The following PTPN5 variants were observed in gnomAD, a reference collection of about 807,000 sequenced individuals.
PTPN5 encodes protein tyrosine phosphatase non-receptor type 5, also known as tyrosine-protein phosphatase non-receptor type 5.
A neutral mutation model predicts 73.9 loss-of-function variants in PTPN5; 29 were observed. The ratio of observed to expected loss-of-function variants is 0.39; its 90% CI spans 0.29 to 0.54. The LOEUF (loss-of-function observed/expected upper bound fraction) is 0.54. PTPN5 is among the 20% of genes least tolerant of loss of function. The pLI is 0.65. For missense variants in PTPN5, 652 were observed against 751.4 expected, an observed-to-expected ratio of 0.87 and a Z score of 1.55; for synonymous variants, 267 against 304.7, an observed-to-expected ratio of 0.88 and a Z score of 1.29.
At chr11:18,739,517 G>A (rs563639717) in intron 8 of PTPN5, among the ~76,000 whole-genome samples, 1 of 152,310 alleles carries the variant, frequency 6.6e-6, no homozygotes, top group South Asian at 2.1e-4. Flanking sequence ...GGGGCCACAC[G>A]AGGTAAGGGG....
chr11:18,763,343 C>T (rs577267246), intron 3 of PTPN5, among the ~76,000 whole-genome samples: 23 of 152,344 alleles, frequency 1.5e-4, no homozygotes, highest in African/African-American at 2.9e-4. Flanking sequence ...AACAAGGTAG[C>T]GGTGACGACA....
At chr11:18,761,478 C>A (rs1303263248) in intron 3 of PTPN5, among the ~76,000 whole-genome samples, 2 of 151,856 alleles carry the variant, frequency 1.3e-5, no homozygotes, top group African/African-American at 4.8e-5. Flanking sequence ...TGACTGTGAG[C>A]AAATGAAGTG....
chr11:18,731,924 G>A (rs961673946), intron 12 of PTPN5, among the ~76,000 whole-genome samples: 1 of 152,078 alleles, frequency 6.6e-6, no homozygotes, highest in African/African-American at 2.4e-5. Flanking sequence ...CCTAAACATG[G>A]GTCTTATTTC....
intron 1 of PTPN5, among the ~76,000 whole-genome samples, chr11:18,780,952 T>C (rs1851392080): frequency 6.6e-6 from 1 of 152,164 alleles, no homozygotes; most frequent in Non-Finnish European, 1.5e-5. Flanking sequence ...GAAGGGCTGC[T>C]GCATGACACT....
At chr11:18,765,658 C>G in intron 3 of PTPN5, 149 bp downstream of exon 3, 1 of 658,668 alleles carries the variant, frequency 1.5e-6, no homozygotes, top group Non-Finnish European at 2.8e-6. Flanking sequence ...AAAACAAGTC[C>G]CCATTTAAAC....
intron 2 of PTPN5, among the ~76,000 whole-genome samples, chr11:18,767,002 C>A (rs1037934201): frequency 6.6e-6 from 1 of 152,176 alleles, no homozygotes; most frequent in Non-Finnish European, 1.5e-5. Context: ...GAGTCTTGGA[C>A]AATATGCCCT....
At position 18,740,789 on chromosome 11, in the gene PTPN5, C is replaced by A; in HGVS notation, c.729G>T (p.Arg243Ser). 1 of 1,527,814 alleles carries A rather than the reference C, an allele frequency of 6.5e-7. No homozygotes were observed. The highest frequency in any genetic ancestry group is 8.8e-7 in the Non-Finnish European group (1 of 1,131,210). 94.6% of individuals were successfully genotyped at this position (1,527,814 alleles called of 1,614,324 possible). Residue 243 changes from arginine to serine, a missense_variant, in exon 8 of 15, where the codon AGG becomes AGT. Arg to Ser is a moderately radical substitution (Grantham distance 110). Coordinates refer to ENST00000358540, the MANE Select transcript of PTPN5 (RefSeq NM_006906.2). ...CCAGGGTCAGGGAGACATTGGAACC[C>A]CTCCTGGAAGGACCAGGAAAGGGAG... Reference protein sequence around the residue: ...TVKSMGLQERRGSNVSLTLDM... With the variant: ...TVKSMGLQERSGSNVSLTLDM...
chr11:18,774,393 T>C (rs1328554916), intron 1 of PTPN5, among the ~76,000 whole-genome samples: 1 of 152,184 alleles, frequency 6.6e-6, no homozygotes, highest in Non-Finnish European at 1.5e-5. Context: ...AAGAGAGGCA[T>C]CCCAGGACCA....
At chr11:18,764,851 T>C (rs1850564567) in intron 3 of PTPN5, among the ~76,000 whole-genome samples, 1 of 150,434 alleles carries the variant, frequency 6.6e-6, no homozygotes, top group Non-Finnish European at 1.5e-5. Flanking sequence ...TAGCTGGGAC[T>C]ACAGGCGCCC....
chr11:18,734,235 C>G (rs527365148), intron 9 of PTPN5, among the ~76,000 whole-genome samples: 2 of 152,200 alleles, frequency 1.3e-5, no homozygotes, highest in Non-Finnish European at 2.9e-5. Flanking sequence ...AACATGAAAA[C>G]GATAGTCTCC....
chr11:18,755,304 ATGT>A, intron 3 of PTPN5, among the ~76,000 whole-genome samples: 1 of 152,158 alleles, frequency 6.6e-6, no homozygotes, highest in Non-Finnish European at 1.5e-5. Flanking sequence ...ACAACTTGAG[ATGT>A]TGTGAGAGAT....
intron 2 of PTPN5, among the ~76,000 whole-genome samples, chr11:18,771,287 T>A (rs1850885441): frequency 1.3e-5 from 2 of 152,126 alleles, no homozygotes; most frequent in South Asian, 4.2e-4. Flanking sequence ...TGTCCATTCC[T>A]CCCTTCGAGC....
intron 8 of PTPN5, among the ~76,000 whole-genome samples, chr11:18,739,361 AAAG>A (rs1177353126): frequency 6.6e-6 from 1 of 152,152 alleles, no homozygotes; most frequent in Non-Finnish European, 1.5e-5. Flanking sequence ...TGGGGTGGTT[AAAG>A]AAGGCTTTCT....
chr11:18,776,743 A>AG (rs1208022279), intron 1 of PTPN5, among the ~76,000 whole-genome samples: 3 of 152,186 alleles, frequency 2.0e-5, no homozygotes, highest in African/African-American at 7.2e-5. Flanking sequence ...TTAAATCACT[A>AG]GGTTTACAGC....
chr11:18,737,456 C>T (rs1384067684), intron 9 of PTPN5, among the ~76,000 whole-genome samples: 3 of 152,190 alleles, frequency 2.0e-5, no homozygotes, highest in African/African-American at 7.2e-5. Flanking sequence ...TCTGGGATCA[C>T]AGAGGCCCAG....
rs1168321576 is a variant in PTPN5 at position 18,728,092 on chromosome 11, C to T, written c.*842G>A. 3 of 152,682 alleles carry T rather than the reference C, an allele frequency of 2.0e-5. No individual in the cohort carries two copies. The highest frequency in any genetic ancestry group is 4.4e-5 in the Non-Finnish European group (3 of 68,058). The allele number at this position is 152,682 out of a possible 1,614,324, so 9.5% of individuals were successfully genotyped here. ...ATGTTGCCAAAGAGTCATGCATGCC[C>T]TCCTGATGGGCTCTCAACACACGCA... is the stretch of plus-strand genomic sequence containing the variant. On this transcript the variant is annotated 3_prime_UTR_variant, in exon 15 of 15. Transcript: ENST00000358540. The surrounding 1 kb of genome is among the most constrained non-coding windows in gnomAD (Gnocchi z 4.1).
rs1413374203 is a variant in PTPN5, at chr11:18,729,329, A to G, written c.1604+124T>C. 3 of 643,270 alleles carry G rather than the reference A, an allele frequency of 4.7e-6. No homozygotes were observed. Among genetic ancestry groups the G allele is most frequent in the Non-Finnish European group, 8.5e-6 (3 of 354,172 alleles). The allele number at this position is 643,270 out of a possible 1,614,324, so 39.8% of individuals were successfully genotyped here. ...TGTCCTCGCTACTCCTTGTCTGCCCATCAGTCCGTGCCAGTGTTTTCCATC... is the reference window on the plus strand; with the variant it reads ...TGTCCTCGCTACTCCTTGTCTGCCCGTCAGTCCGTGCCAGTGTTTTCCATC... On this transcript the variant is annotated intron_variant, in intron 14 of 14. Transcript: ENST00000358540. This position sits in a 1 kb window ranked among gnomAD's most constrained non-coding sequence, Gnocchi z 5.2.
Position 18,733,594 on chromosome 11 carries a change from C to A in PTPN5, c.1042G>T (p.Asp348Tyr). ...GCATTGATGTAGGAACTCAGAGGGT[C>A]GTCAGGGTCTGGTGAGGTCAGACAC... is the stretch of plus-strand genomic sequence containing the variant. ...RVCLTSPDPDDPLSSYINANY... is the reference protein window; with the variant it reads ...RVCLTSPDPDYPLSSYINANY... The change falls in exon 10 of 15, where the codon GAC (aspartate) becomes TAC (tyrosine). Residue 348 changes from aspartate (D) to tyrosine (Y), a missense_variant. Physicochemically the swap from Asp to Tyr is radical, Grantham distance 160 (BLOSUM62 -3). Coordinates refer to ENST00000358540, the MANE Select transcript of PTPN5 (RefSeq NM_006906.2). The surrounding 1 kb of genome is among the most constrained non-coding windows in gnomAD (Gnocchi z 4.3). The A allele has an allele frequency of 1.2e-6, 2 of 1,614,166 alleles. No homozygotes were observed. The highest frequency in any genetic ancestry group is 1.7e-6 in the Non-Finnish European group (2 of 1,180,030).
chr11:18,732,645 C>T lies in PTPN5; in HGVS notation c.1276G>A (p.Val426Met), dbSNP rs1590479459. 6.2e-7 allele frequency: 1 copy of T among 1,614,008 alleles called. No individual in the cohort carries two copies. Among genetic ancestry groups the T allele is most frequent in the Non-Finnish European group, 8.5e-7 (1 of 1,180,038 alleles). Residue 426 changes from valine (V) to methionine (M), a missense_variant, in exon 12 of 15, where the codon GTG becomes ATG. By Grantham distance (21) the Val-to-Met change is conservative (BLOSUM62 1). This residue lies in a region of PTPN5 where 529 missense variants were observed against 573.9 expected (regional missense o/e 0.92). Coordinates refer to ENST00000358540, the MANE Select transcript of PTPN5 (RefSeq NM_006906.2). ...TCCTCCGTGTGAATGACTTTCTGCA[C>T]AGTGATCTCAACACCGTCGTACGCC... Reference protein sequence around the residue: ...QVAYDGVEITVQKVIHTEDYR... With the variant: ...QVAYDGVEITMQKVIHTEDYR...
Sources: gnomAD v4.1 joint callset for allele counts (sites outside exome capture counted in the v4.1 genomes callset) on GRCh38, gnomAD v4.1.1 for gene constraint, gnomAD v4.1.1 regional missense constraint, Gnocchi (gnomAD v3.1) non-coding constraint, MANE v1.5 for transcripts, NCBI Gene and HGNC (gene_info 2026-07-23, HGNC 2026-07-21) for gene names.